The following EFCAB14 variants were observed in gnomAD, a reference collection of about 807,000 sequenced individuals.
EFCAB14 encodes EF-hand calcium-binding domain-containing protein 14.
EFCAB14 carries 43 observed loss-of-function variants against 56.5 expected under a neutral mutation model. The observed-to-expected ratio is 0.76, with a 90% CI of 0.60 to 0.98. EFCAB14 has a LOEUF of 0.98. Among genes scored for constraint, EFCAB14 ranks in the 50% least tolerant of loss-of-function variants. The pLI is 0.00. For synonymous variants in EFCAB14, 235 were observed against 212.9 expected (o/e 1.10, Z -0.90); for missense variants, 538 against 580.3 (o/e 0.93, Z 0.75).
intron 2 of EFCAB14, among the ~76,000 whole-genome samples, chr1:46,709,278 T>C (rs1677274710): frequency 6.6e-6 from 1 of 152,242 alleles, no homozygotes; most frequent in Non-Finnish European, 1.5e-5. Context: ...AACCTACTTG[T>C]GGCCAAGCTG....
Position 46,677,740 on chromosome 1 carries a change from T to TAGCTG in EFCAB14, c.*720_*721insCAGCT, listed in dbSNP as rs1209433114. 6.6e-6 allele frequency: 1 copy of TAGCTG among 152,138 alleles called. No homozygotes were observed. Among genetic ancestry groups the TAGCTG allele is most frequent in the Non-Finnish European group, 1.5e-5 (1 of 68,022 alleles). 9.4% of individuals were successfully genotyped at this position (152,138 alleles called of 1,614,324 possible). On this transcript the variant is annotated 3_prime_UTR_variant, in exon 11 of 11. Transcript: ENST00000371933. ...CCCAGGTTGGGATTAGCTGAGGGAATAGGAACAAAGAACCAGAATCCTACT... is the reference window on the plus strand; with the variant it reads ...CCCAGGTTGGGATTAGCTGAGGGAATAGCTGAGGAACAAAGAACCAGAATCCTACT...
chr1:46,684,801 A>G (rs141207881), intron 8 of EFCAB14, among the ~76,000 whole-genome samples, 199 bp from the exon 9 acceptor site: 31 of 152,248 alleles, frequency 2.0e-4, no homozygotes, highest in African/African-American at 7.2e-4. Context: ...TGGATTTGAA[A>G]CCATTAAGGG....
chr1:46,715,945 C>T (rs1158038046), intron 2 of EFCAB14, among the ~76,000 whole-genome samples: 2 of 152,060 alleles, frequency 1.3e-5, no homozygotes, highest in Non-Finnish European at 2.9e-5. Flanking sequence ...TCCAGGATTA[C>T]ACCCTGAAAA....
chr1:46,705,237 T>C (rs989751206), intron 3 of EFCAB14, among the ~76,000 whole-genome samples: 1 of 152,190 alleles, frequency 6.6e-6, no homozygotes, highest in Non-Finnish European at 1.5e-5. Context: ...GCTCTGGGCC[T>C]GCGCTCATGG....
chr1:46,694,855 T>G (rs1569706628), intron 4 of EFCAB14, among the ~76,000 whole-genome samples: 1 of 152,100 alleles, frequency 6.6e-6, no homozygotes, highest in Admixed American at 6.5e-5. Context: ...TAGACTAGAT[T>G]AAGAAAACAT....
At chr1:46,705,969 A>G (rs902891957) in intron 3 of EFCAB14, among the ~76,000 whole-genome samples, 2 of 151,796 alleles carry the variant, frequency 1.3e-5, no homozygotes, top group Admixed American at 1.3e-4. Context: ...GGCTCAAGCA[A>G]TCCTCCTGCT....
At chr1:46,716,828 T>C (rs1301016243) in intron 1 of EFCAB14, among the ~76,000 whole-genome samples, 2 of 152,256 alleles carry the variant, frequency 1.3e-5, no homozygotes, top group African/African-American at 4.8e-5. Flanking sequence ...CTGAAATACA[T>C]ACTCACTCCG....
chr1:46,697,439 T>C (rs2148845782), intron 3 of EFCAB14, among the ~76,000 whole-genome samples: 1 of 152,364 alleles, frequency 6.6e-6, no homozygotes. Flanking sequence ...AGAGACAATA[T>C]TCTAAAAGCT....
chr1:46,694,283 G>A (rs541566035), intron 4 of EFCAB14, among the ~76,000 whole-genome samples: 3 of 152,270 alleles, frequency 2.0e-5, no homozygotes, highest in East Asian at 3.9e-4. Flanking sequence ...CCATCAGAGT[G>A]AACAGGCAAC....
In EFCAB14 at chr1:46,707,906, C is replaced by G. The variant is rs778862176; in HGVS notation, c.480G>C (p.Gln160His). 1 of 1,607,262 alleles carries G rather than the reference C, an allele frequency of 6.2e-7. No homozygotes were observed. The highest frequency in any genetic ancestry group is 1.1e-5 in the South Asian group (1 of 90,442). The change falls in exon 3 of 11, where the codon CAG becomes CAC. Residue 160 changes from glutamine to histidine, a missense_variant and splice_region_variant. Coordinates refer to ENST00000371933, the MANE Select transcript of EFCAB14 (RefSeq NM_014774.3). ...VWINITEMNK[Q>H]ISLLTSAVNH... ...ACAGCAAAAATCAAACTTTTAGTAC[C>G]TGCTTATTCATTTCTGTGATGTTTA...
At chr1:46,682,468 T>TTTTG (rs1569680372) in intron 10 of EFCAB14, among the ~76,000 whole-genome samples, 1 of 152,176 alleles carries the variant, frequency 6.6e-6, no homozygotes, top group East Asian at 1.9e-4. Context: ...TGTACTAATA[T>TTTTG]TTTGCTGATT....
chr1:46,686,939 T>A, intron 7 of EFCAB14, 69 bp from the exon 8 acceptor site: 1 of 1,429,336 alleles, frequency 7.0e-7, no homozygotes, highest in Non-Finnish European at 9.8e-7. Flanking sequence ...CTTGAACACC[T>A]AGCACTTTTA....
At chr1:46,699,117 G>A (rs554460766) in intron 3 of EFCAB14, among the ~76,000 whole-genome samples, 54 of 152,276 alleles carry the variant, frequency 3.5e-4, no homozygotes, top group African/African-American at 1.3e-3. Flanking sequence ...TGAGAGACAA[G>A]GCAAGAGTAC....
rs1422216631 is a variant in EFCAB14, at chr1:46,708,100, T to G, written c.335-49A>C. The G allele has an allele frequency of 4.5e-6, 7 of 1,568,628 alleles. No homozygotes were observed. The East Asian group carries it at 9.0e-5, about 20-fold the overall frequency. On this transcript the variant is annotated intron_variant, in intron 2 of 10. Transcript: ENST00000371933. ...TCATAACTAGCATAAAGTGCCCTCA[T>G]GGTCCTAAGATGAAAAAATCATCAA...
At chr1:46,705,601 TATGAGTAAGCCCTGCG>T (rs1256169281) in intron 3 of EFCAB14, among the ~76,000 whole-genome samples, 2 of 152,140 alleles carry the variant, frequency 1.3e-5, no homozygotes, top group African/African-American at 2.4e-5. Context: ...TGAGCGTGTG[TATGAGTAAGCCCTGCG>T]ATGGGGGTGG....
intron 2 of EFCAB14, among the ~76,000 whole-genome samples, chr1:46,710,353 T>C (rs1677291538): frequency 6.6e-6 from 1 of 152,154 alleles, no homozygotes; most frequent in African/African-American, 2.4e-5. Context: ...ATATTTGATA[T>C]CCTCCTTATA....
intron 3 of EFCAB14, among the ~76,000 whole-genome samples, chr1:46,702,584 G>A (rs1049159385): frequency 6.6e-6 from 1 of 152,222 alleles, no homozygotes; most frequent in Non-Finnish European, 1.5e-5. Flanking sequence ...TCATAGGACT[G>A]TAGAAGCCAA....
intron 2 of EFCAB14, among the ~76,000 whole-genome samples, chr1:46,710,545 A>G (rs1453107362): frequency 1.3e-5 from 2 of 151,928 alleles, no homozygotes; most frequent in African/African-American, 4.8e-5. Context: ...ATAGAATCAG[A>G]TTTTTTTGAA....
At chr1:46,688,265 C>T (rs1676920962) in intron 7 of EFCAB14, 88 bp downstream of exon 7, 6 of 1,310,164 alleles carry the variant, frequency 4.6e-6, no homozygotes, top group Non-Finnish European at 6.4e-6. Flanking sequence ...CTCAAATATG[C>T]CAGAAGGCTG....
Sources: gnomAD v4.1 joint callset for allele counts (sites outside exome capture counted in the v4.1 genomes callset) on GRCh38, gnomAD v4.1.1 for gene constraint, MANE v1.5 for transcripts, NCBI Gene and HGNC (gene_info 2026-07-23, HGNC 2026-07-21) for gene names.